The following PHACTR2 variants were observed in gnomAD, a reference collection of about 807,000 sequenced individuals.
PHACTR2 encodes chromosome 6 open reading frame 56.
A neutral mutation model predicts 76.0 loss-of-function variants in PHACTR2; 30 were observed. That is an observed-to-expected ratio of 0.39 (90% CI 0.30 to 0.54). The LOEUF (loss-of-function observed/expected upper bound fraction) is 0.54. PHACTR2 is among the 20% of genes least tolerant of loss of function. The pLI, the probability that PHACTR2 is intolerant of heterozygous loss-of-function variation, is 0.61. For synonymous variants in PHACTR2, 292 were observed against 292.5 expected (o/e 1.00, Z 0.02); for missense variants, 696 against 781.1 (o/e 0.89, Z 1.30).
In PHACTR2 at chr6:143,627,065, G is replaced by A. The variant is rs1776274914; in HGVS notation, c.13+18743G>A. Among the ~76,000 whole-genome samples the A allele has an allele frequency of 6.6e-6, 1 of 152,142 alleles. No homozygotes were observed. Among genetic ancestry groups the A allele is most frequent in the African/African-American group, 2.4e-5 (1 of 41,424 alleles). On this transcript the variant is annotated intron_variant, in intron 1 of 11. Transcript: ENST00000305766. The surrounding 1 kb of genome is among the most constrained non-coding windows in gnomAD (Gnocchi z 4.3). ...TAGAACTATTTCTTACCCTTGAGAC[G>A]CCAACACTGTTGTGAGGAGACCGAT...
intron 2 of PHACTR2, among the ~76,000 whole-genome samples, chr6:143,723,622 A>G (rs1395768025): frequency 6.6e-6 from 1 of 152,220 alleles, no homozygotes; most frequent in Non-Finnish European, 1.5e-5. Flanking sequence ...AAACAAGCTC[A>G]TGAAGCTGCT....
Position 143,772,569 on chromosome 6 carries a change from C to A in PHACTR2, c.1432+112C>A. 1.5e-5 allele frequency: 11 copies of A among 740,118 alleles called. No individual in the cohort carries two copies. The South Asian group carries it at 1.9e-4, about 13-fold the overall frequency. The allele number at this position is 740,118 out of a possible 1,614,324, so 45.8% of individuals were successfully genotyped here. ...ACCAGACATCTGATGTTTTCTTTCCCCTCATCCTCCTTTCTCAAATTAGAA... is the reference window on the plus strand; with the variant it reads ...ACCAGACATCTGATGTTTTCTTTCCACTCATCCTCCTTTCTCAAATTAGAA... On this transcript the variant is annotated intron_variant, in intron 7 of 12. Transcript: ENST00000440869. The surrounding 1 kb of genome is among the most constrained non-coding windows in gnomAD (Gnocchi z 5.4).
chr6:143,625,738 G>C lies in PHACTR2; in HGVS notation c.13+17416G>C, dbSNP rs752640205. ...TGCCTACTGGGTCAGGCACTCTTCC[G>C]GGTGCAGTGAATGGGGCAGTGATGA... On this transcript the variant is annotated intron_variant, in intron 1 of 11. Transcript: ENST00000305766. The surrounding 1 kb of genome is among the most constrained non-coding windows in gnomAD (Gnocchi z 4.3). 6.6e-6 allele frequency among the ~76,000 whole-genome samples: 1 copy of C among 152,182 alleles called. No individual in the cohort carries two copies. The highest frequency in any genetic ancestry group is 6.5e-5 in the Admixed American group (1 of 15,282).
rs1479647739 is a variant in PHACTR2 at position 143,648,552 on chromosome 6, A to G, written c.13+40230A>G. Among the ~76,000 whole-genome samples the G allele has an allele frequency of 2.0e-5, 3 of 152,142 alleles. No homozygotes were observed. The highest frequency in any genetic ancestry group is 2.9e-5 in the Non-Finnish European group (2 of 68,016). ...GTCAGGTAAGACAGAGAAGCTTGCT[A>G]AGGTGGAGTGGAAGGAAATCCTATC... On this transcript the variant is annotated intron_variant, in intron 1 of 11. Coordinates refer to the PHACTR2 transcript ENST00000305766. The surrounding 1 kb of genome is among the most constrained non-coding windows in gnomAD (Gnocchi z 6.7).
rs898677502 is a variant in PHACTR2, at chr6:143,710,444, G to C, written c.47-1572G>C. 6.6e-6 allele frequency among the ~76,000 whole-genome samples: 1 copy of C among 152,216 alleles called. No individual in the cohort carries two copies. The highest frequency in any genetic ancestry group is 1.5e-5 in the Non-Finnish European group (1 of 68,044). ...GTGGTGGCTCACGCCTGTAATCCCA[G>C]CAGTTTGGGAGGCTGAGGCGGGTGG... On this transcript the variant is annotated intron_variant, in intron 1 of 12. Transcript: ENST00000440869. This position sits in a 1 kb window ranked among gnomAD's most constrained non-coding sequence, Gnocchi z 4.9.
In PHACTR2 at chr6:143,580,343, G is replaced by A. The variant is rs1775558350; in HGVS notation, c.217+43136G>A. Among the ~76,000 whole-genome samples the A allele has an allele frequency of 6.6e-6, 1 of 152,182 alleles. No individual in the cohort carries two copies. Among genetic ancestry groups the A allele is most frequent in the Admixed American group, 6.5e-5 (1 of 15,274 alleles). ...TACTAAAAATACAAAAAATTAGCCC[G>A]GCTTGGTGGCGGGCGCCTGTAGTCC... On this transcript the variant is annotated intron_variant, in intron 1 of 11. Coordinates refer to the PHACTR2 transcript ENST00000367584. This position sits in a 1 kb window ranked among gnomAD's most constrained non-coding sequence, Gnocchi z 4.2.
In PHACTR2 at chr6:143,656,081, G is replaced by A. The variant is rs118137070; in HGVS notation, c.13+47759G>A. On this transcript the variant is annotated intron_variant, in intron 1 of 11. Coordinates refer to the PHACTR2 transcript ENST00000305766. The surrounding 1 kb of genome is among the most constrained non-coding windows in gnomAD (Gnocchi z 5.3). ...TAAAAGAAGCATCAGTGGAGGGAAGGGTAAATCGTGGGATAAAATACACTC... is the reference window on the plus strand; with the variant it reads ...TAAAAGAAGCATCAGTGGAGGGAAGAGTAAATCGTGGGATAAAATACACTC... Among the ~76,000 whole-genome samples the A allele has an allele frequency of 6.6e-6, 1 of 152,290 alleles. No homozygotes were observed. The highest frequency in any genetic ancestry group is 1.9e-4 in the East Asian group (1 of 5,184).
At position 143,658,303 on chromosome 6, in the gene PHACTR2, G is replaced by A. The variant is rs923901879; in HGVS notation, c.13+49981G>A. Among the ~76,000 whole-genome samples, 1 of 152,148 alleles carries A rather than the reference G, an allele frequency of 6.6e-6. No homozygotes were observed. Among genetic ancestry groups the A allele is most frequent in the African/African-American group, 2.4e-5 (1 of 41,426 alleles). Reference sequence around the variant, plus strand: ...CCTTCAAATTAACAAGGGAAATTCAGGTGAAACTTAAATATGAACTTAAAA... The same window carrying A: ...CCTTCAAATTAACAAGGGAAATTCAAGTGAAACTTAAATATGAACTTAAAA... On this transcript the variant is annotated intron_variant, in intron 1 of 11. Transcript: ENST00000305766. The surrounding 1 kb of genome is among the most constrained non-coding windows in gnomAD (Gnocchi z 4.1).
intron 1 of PHACTR2, among the ~76,000 whole-genome samples, chr6:143,560,926 T>TGTGTGTGTGTGTG (rs1775262351): frequency 2.9e-5 from 3 of 104,484 alleles, no homozygotes; most frequent in African/African-American, 1.1e-4. Flanking sequence ...TGTGTGTGTG[T>TGTGTGTGTGTGTG]TAGGTAGGAG....
At chr6:143,667,683 G>T (rs6913687) in intron 1 of PHACTR2, among the ~76,000 whole-genome samples, 76,326 of 151,984 alleles carry the variant, frequency 0.5, 19,278 homozygotes, top group South Asian at 0.59. Flanking sequence ...GTTTGTCTGT[G>T]ACTGATGTAT....
rs1389641947 is a variant in PHACTR2 at position 143,689,241 on chromosome 6, C to T, written c.46+11032C>T. 1.3e-5 allele frequency among the ~76,000 whole-genome samples: 2 copies of T among 152,222 alleles called. No homozygotes were observed. Among genetic ancestry groups the T allele is most frequent in the African/African-American group, 2.4e-5 (1 of 41,460 alleles). On this transcript the variant is annotated intron_variant, in intron 1 of 12. Transcript: ENST00000440869. This position sits in a 1 kb window ranked among gnomAD's most constrained non-coding sequence, Gnocchi z 4.4. ...CTCTGTGCCTTCACTGCACTTAGCA[C>T]TCAGATGATCTTGTTTGTTTGTTTT...
rs1775967071 is a variant in PHACTR2 at position 143,611,084 on chromosome 6, A to T, written c.13+2762A>T. On this transcript the variant is annotated intron_variant, in intron 1 of 11. Transcript: ENST00000305766. The surrounding 1 kb of genome is among the most constrained non-coding windows in gnomAD (Gnocchi z 4.4). The stretch of plus-strand genomic sequence containing the variant: ...GATAAGACATTCAGAGGCAAAGTTG[A>T]TTGGTGTGTGTTTTTTATCTGAAAC... 6.6e-6 allele frequency among the ~76,000 whole-genome samples: 1 copy of T among 151,994 alleles called. No homozygotes were observed. The highest frequency in any genetic ancestry group is 1.5e-5 in the Non-Finnish European group (1 of 68,008).
chr6:143,540,092 C>T (rs1781158918), intron 1 of PHACTR2, among the ~76,000 whole-genome samples: 1 of 152,208 alleles, frequency 6.6e-6, no homozygotes, highest in African/African-American at 2.4e-5. Context: ...TACCTTCTCA[C>T]ATCCCTATTG....
chr6:143,731,072 C>T lies in PHACTR2; in HGVS notation c.215-17913C>T, dbSNP rs574930802. Among the ~76,000 whole-genome samples the T allele has an allele frequency of 4.6e-5, 7 of 151,934 alleles. No homozygotes were observed. Among genetic ancestry groups the T allele is most frequent in the Non-Finnish European group, 1.0e-4 (7 of 67,982 alleles). On this transcript the variant is annotated intron_variant, in intron 2 of 12. Transcript: ENST00000440869. The surrounding 1 kb of genome is among the most constrained non-coding windows in gnomAD (Gnocchi z 4.9). ...CCAGTTGAAGGTTTTTATACATGCC[C>T]TTTATTAGGTTGAGGAAGTTCCTTT...
chr6:143,759,401 C>T (rs2128472012), intron 4 of PHACTR2, among the ~76,000 whole-genome samples: 1 of 152,254 alleles, frequency 6.6e-6, no homozygotes, highest in East Asian at 1.9e-4. Context: ...TGCCTGTAAT[C>T]CCGGCACTTT....
intron 1 of PHACTR2, among the ~76,000 whole-genome samples, chr6:143,667,763 A>T (rs979361451): frequency 3.3e-5 from 5 of 152,336 alleles, no homozygotes; most frequent in East Asian, 1.9e-4. Flanking sequence ...TATCAGCTTA[A>T]GGAGATTTTG....
chr6:143,678,856 C>G lies in PHACTR2; in HGVS notation c.46+647C>G, dbSNP rs987983709. On this transcript the variant is annotated intron_variant, in intron 1 of 12. Transcript: ENST00000440869. The surrounding 1 kb of genome is among the most constrained non-coding windows in gnomAD (Gnocchi z 6.2). ...TGTAACGTGTCTGAGTTCTAATGCTCTGTTTTAAAAGTTTCTTTTTTCCAT... is the reference window on the plus strand; with the variant it reads ...TGTAACGTGTCTGAGTTCTAATGCTGTGTTTTAAAAGTTTCTTTTTTCCAT... Among the ~76,000 whole-genome samples the G allele has an allele frequency of 1.3e-5, 2 of 151,520 alleles. No homozygotes were observed. The highest frequency in any genetic ancestry group is 4.9e-5 in the African/African-American group (2 of 41,164).
rs1439008964 is a variant in PHACTR2, at chr6:143,621,676, T to C, written c.13+13354T>C. Among the ~76,000 whole-genome samples, 1 of 152,238 alleles carries C rather than the reference T, an allele frequency of 6.6e-6. No homozygotes were observed. The highest frequency in any genetic ancestry group is 1.5e-5 in the Non-Finnish European group (1 of 68,036). ...TGTTCTACCTGCTGGTATGGGGCCT[T>C]GGGCATATCCATGAGCCTCACTTTC... On this transcript the variant is annotated intron_variant, in intron 1 of 11. Coordinates refer to the PHACTR2 transcript ENST00000305766. This position sits in a 1 kb window ranked among gnomAD's most constrained non-coding sequence, Gnocchi z 4.1.
intron 1 of PHACTR2, among the ~76,000 whole-genome samples, chr6:143,613,914 T>TAAGAAACA (rs1776020483): frequency 6.6e-6 from 1 of 152,198 alleles, no homozygotes; most frequent in South Asian, 2.1e-4. Context: ...TTCAACAGGT[T>TAAGAAACA]TCTTAGCATG....
Sources: gnomAD v4.1 joint callset for allele counts (sites outside exome capture counted in the v4.1 genomes callset) on GRCh38, gnomAD v4.1.1 for gene constraint, Gnocchi (gnomAD v3.1) non-coding constraint, MANE v1.5 for transcripts, NCBI Gene and HGNC (gene_info 2026-07-23, HGNC 2026-07-21) for gene names.